Variants in OTUD7B observed in about 807,000 individuals in gnomAD.
OTUD7B encodes the protein OTU deubiquitinase 7B, also known as OTU domain-containing protein 7B.
OTUD7B carries 34 observed loss-of-function variants against 82.2 expected under a neutral mutation model. The ratio of observed to expected loss-of-function variants is 0.41; its 90% CI spans 0.31 to 0.55. The LOEUF is 0.55. OTUD7B is among the 20% of genes least tolerant of loss of function. OTUD7B has a pLI of 0.20. For synonymous variants in OTUD7B, 398 were observed against 402.7 expected, an observed-to-expected ratio of 0.99 and a Z score of 0.14; for missense variants, 944 against 1,062.1, an observed-to-expected ratio of 0.89 and a Z score of 1.55.
At chr1:149,976,886 C>T (rs1650359360) in intron 2 of OTUD7B, among the ~76,000 whole-genome samples, 1 of 151,898 alleles carries the variant, frequency 6.6e-6, no homozygotes, top group African/African-American at 2.4e-5. Flanking sequence ...TTTGGGAGGC[C>T]GAGGCAGGCA....
chr1:149,981,120 G>A (rs1032191173), intron 1 of OTUD7B, among the ~76,000 whole-genome samples: 1 of 151,152 alleles, frequency 6.6e-6, no homozygotes, highest in Non-Finnish European at 1.5e-5. Context: ...GAGGAGGAGG[G>A]GGAGGGGGAG....
chr1:149,938,483 A>AAAAAAAAAAAAAAAG lies in OTUD7B; in HGVS notation c.*5373_*5374insCTTTTTTTTTTTTTT, dbSNP rs1296913338. ...CGCAAAAAAAAAAAAAAAAAAAAAG[A>AAAAAAAAAAAAAAAG]CATAGGAAGAGGTGTGTACCATAAC... On this transcript the variant is annotated 3_prime_UTR_variant, in exon 12 of 12. Coordinates refer to ENST00000581312, the MANE Select transcript of OTUD7B (RefSeq NM_020205.4). 6.0e-5 allele frequency: 5 copies of AAAAAAAAAAAAAAAG among 82,914 alleles called. 2 individuals are homozygous for AAAAAAAAAAAAAAAG. The highest frequency in any genetic ancestry group is 4.9e-5 in the African/African-American group (1 of 20,340). The allele number at this position is 82,914 out of a possible 1,614,324, so 5.1% of individuals were successfully genotyped here.
chr1:150,022,714 A>C, the OTUD7B span, among the ~76,000 whole-genome samples: 1 of 152,206 alleles, frequency 6.6e-6, no homozygotes, highest in Non-Finnish European at 1.5e-5. Context: ...GTGGAAGTTT[A>C]CCTGGGCCGA....
chr1:149,955,888 T>C (rs1402284810), intron 7 of OTUD7B, among the ~76,000 whole-genome samples: 1 of 152,194 alleles, frequency 6.6e-6, no homozygotes, highest in Non-Finnish European at 1.5e-5. Context: ...ATTTGCTTGG[T>C]AGATCTTCCT....
the OTUD7B span, among the ~76,000 whole-genome samples, chr1:150,050,916 T>TA: frequency 0.87 from 125,462 of 144,896 alleles, 54,310 homozygotes; most frequent in East Asian, 1. Context: ...AGATAGTCCT[T>TA]AAAAAAAAAA....
chr1:149,965,155 A>G (rs1345363901), intron 5 of OTUD7B, among the ~76,000 whole-genome samples: 1 of 152,160 alleles, frequency 6.6e-6, no homozygotes, highest in Non-Finnish European at 1.5e-5. Flanking sequence ...GGCCTCCCAC[A>G]GTGTTGGAAT....
rs189738142 is a variant in OTUD7B, at chr1:149,949,537, T to G, written c.1123+92A>C. The G allele has an allele frequency of 5.8e-4, 767 of 1,318,362 alleles. 6 individuals carry two copies. The Middle Eastern group carries it at 0.013, about 22-fold the overall frequency. The allele number at this position is 1,318,362 out of a possible 1,614,324, so 81.7% of individuals were successfully genotyped here. On this transcript the variant is annotated intron_variant, in intron 9 of 11. Coordinates refer to ENST00000581312, the MANE Select transcript of OTUD7B (RefSeq NM_020205.4). ...AGTATCAACATGTGCTGTCTGGGCT[T>G]GCATGTCACTTAATTCTTTCCTCCT...
the OTUD7B span, among the ~76,000 whole-genome samples, chr1:150,063,781 T>C: frequency 6.6e-6 from 1 of 152,344 alleles, no homozygotes; most frequent in Non-Finnish European, 1.5e-5. Flanking sequence ...TTTGCTACCA[T>C]AAAGCTCAGC....
intron 2 of OTUD7B, among the ~76,000 whole-genome samples, chr1:149,975,231 T>C (rs587680191): frequency 6.6e-6 from 1 of 152,344 alleles, no homozygotes; most frequent in East Asian, 1.9e-4. Flanking sequence ...AAGGCCTTCC[T>C]GCACTCTAGA....
the OTUD7B span, among the ~76,000 whole-genome samples, chr1:150,036,109 C>A: frequency 6.6e-6 from 1 of 151,964 alleles, no homozygotes; most frequent in Non-Finnish European, 1.5e-5. Context: ...CGTGCCACCA[C>A]ACCTGGTTAA....
At chr1:149,965,189 A>T (rs192758854) in intron 5 of OTUD7B, among the ~76,000 whole-genome samples, 2 of 152,272 alleles carry the variant, frequency 1.3e-5, no homozygotes, top group East Asian at 3.9e-4. Flanking sequence ...CATTGAGCCC[A>T]GCCCTTACTT....
intron 3 of OTUD7B, among the ~76,000 whole-genome samples, chr1:149,968,161 G>A (rs1649645016): frequency 6.6e-6 from 1 of 151,344 alleles, no homozygotes; most frequent in Non-Finnish European, 1.5e-5. Context: ...CTACTCGGGA[G>A]GCTGAGGTGG....
At chr1:150,003,414 G>A (rs919842511) in intron 1 of OTUD7B, among the ~76,000 whole-genome samples, 2 of 152,024 alleles carry the variant, frequency 1.3e-5, no homozygotes, top group African/African-American at 4.8e-5. Context: ...TCTCAGACTG[G>A]AATGTAATTC....
chr1:149,957,337 GCTGCAGAA>G (rs781960467), intron 7 of OTUD7B, among the ~76,000 whole-genome samples: 49 of 151,724 alleles, frequency 3.2e-4, no homozygotes, highest in Non-Finnish European at 5.6e-4. Flanking sequence ...ACCAGTGGAG[GCTGCAGAA>G]CAGCAAATAT....
chr1:150,012,927 C>T (rs1481283813), upstream of OTUD7B, among the ~76,000 whole-genome samples: 4 of 152,306 alleles, frequency 2.6e-5, no homozygotes, highest in South Asian at 4.1e-4. Context: ...CTCAACCAGT[C>T]CCTAATCCAT....
At chr1:150,035,268 G>A in the OTUD7B span, among the ~76,000 whole-genome samples, 1 of 152,062 alleles carries the variant, frequency 6.6e-6, no homozygotes, top group Non-Finnish European at 1.5e-5. Flanking sequence ...TTTCTGATTA[G>A]TGATATATTG....
chr1:150,021,930 C>T, the OTUD7B span, among the ~76,000 whole-genome samples: 4 of 152,136 alleles, frequency 2.6e-5, no homozygotes, highest in Non-Finnish European at 1.5e-5. Flanking sequence ...ACATCTAATC[C>T]AGTCATTTAG....
At position 149,967,401 on chromosome 1, in the gene OTUD7B, A is replaced by G. The variant is rs376918959; in HGVS notation, c.395T>C (p.Ile132Thr). 3.1e-6 allele frequency: 5 copies of G among 1,614,014 alleles called. No homozygotes were observed. Among genetic ancestry groups the G allele is most frequent in the Non-Finnish European group, 4.2e-6 (5 of 1,179,998 alleles). Residue 132 changes from isoleucine (I) to threonine (T), a missense_variant, in exon 4 of 12, where the codon ATC (isoleucine) becomes ACC (threonine). This residue lies in a region of OTUD7B where 530 missense variants were observed against 625.6 expected (regional missense o/e 0.85). Transcript: ENST00000581312. ...GAGATCTGGAAGCTGGAAGGCACAG[A>G]TGGGCATTTCCAGGGGGTGCTCATT... is the stretch of plus-strand genomic sequence containing the variant. ...GSNEHPLEMP[I>T]CAFQLPDLTV...
intron 1 of OTUD7B, among the ~76,000 whole-genome samples, chr1:149,980,475 C>T (rs1650637553): frequency 6.6e-6 from 1 of 152,068 alleles, no homozygotes; most frequent in Middle Eastern, 3.4e-3. Context: ...AATTCCAGCA[C>T]TTTGGGAGGC....
Sources: gnomAD v4.1 joint callset for allele counts (sites outside exome capture counted in the v4.1 genomes callset) on GRCh38, gnomAD v4.1.1 for gene constraint, gnomAD v4.1.1 regional missense constraint, MANE v1.5 for transcripts, NCBI Gene and HGNC (gene_info 2026-07-23, HGNC 2026-07-21) for gene names.